PAM: variants seen among roughly 807,000 people sequenced by gnomAD.
The protein encoded by PAM is peptidyl-glycine alpha-amidating monooxygenase.
In PAM, 72 loss-of-function variants were observed where a neutral mutation model predicts 122.1. That is an observed-to-expected ratio of 0.59 (90% CI 0.49 to 0.72). The LOEUF is 0.72. Ranked by LOEUF, PAM falls within the 30% of genes least tolerant of loss-of-function variation. PAM has a pLI of 0.00. For synonymous variants in PAM, 389 were observed against 404.4 expected (o/e 0.96, Z 0.46); for missense variants, 1,106 against 1,183.7 (o/e 0.93, Z 0.96).
intron 1 of PAM, among the ~76,000 whole-genome samples, chr5:102,768,978 G>T (rs1754973172): frequency 6.6e-6 from 1 of 152,080 alleles, no homozygotes; most frequent in South Asian, 2.1e-4. Flanking sequence ...AGTGTTCAAA[G>T]GTTCCCTTTG....
At chr5:102,898,062 A>G (rs1249073079) in intron 3 of PAM, among the ~76,000 whole-genome samples, 3 of 151,650 alleles carry the variant, frequency 2.0e-5, no homozygotes. Flanking sequence ...GGAGTGTTAT[A>G]GTAATAAAGC....
chr5:102,788,125 T>C (rs938946053), intron 1 of PAM, among the ~76,000 whole-genome samples: 9 of 152,148 alleles, frequency 5.9e-5, no homozygotes, highest in African/African-American at 2.2e-4. Flanking sequence ...GAAATCATCA[T>C]ATATTTGATA....
At chr5:102,828,155 A>T (rs544749093) in intron 1 of PAM, among the ~76,000 whole-genome samples, 1 of 152,052 alleles carries the variant, frequency 6.6e-6, no homozygotes, top group South Asian at 2.1e-4. Context: ...CCTGGGCAAC[A>T]TGGCGAGACC....
chr5:102,964,487 A>G (rs2150299024), intron 14 of PAM, among the ~76,000 whole-genome samples: 1 of 152,034 alleles, frequency 6.6e-6, no homozygotes, highest in East Asian at 1.9e-4. Flanking sequence ...TGACAGTTTT[A>G]CTTATCATGT....
chr5:102,915,997 CAG>C (rs1248649872), intron 5 of PAM, among the ~76,000 whole-genome samples: 1 of 152,080 alleles, frequency 6.6e-6, no homozygotes, highest in Admixed American at 6.6e-5. Flanking sequence ...AAAGTGAAAA[CAG>C]AAATTTTGAG....
At chr5:102,920,747 C>T (rs1747153373) in intron 5 of PAM, among the ~76,000 whole-genome samples, 1 of 150,966 alleles carries the variant, frequency 6.6e-6, no homozygotes. Context: ...ATATGTAATG[C>T]ATTAAAATTG....
intron 1 of PAM, among the ~76,000 whole-genome samples, chr5:102,843,516 A>G (rs144547826): frequency 2.6e-5 from 4 of 152,316 alleles, no homozygotes; most frequent in African/African-American, 9.6e-5. Flanking sequence ...CTTGGAGTTC[A>G]TCAAAGCTAA....
chr5:102,782,717 C>CTG (rs1222031698), intron 1 of PAM, among the ~76,000 whole-genome samples: 87 of 146,866 alleles, frequency 5.9e-4, no homozygotes, highest in African/African-American at 2.1e-3. Flanking sequence ...CTCTCTCTCT[C>CTG]TCTCTCTCTG....
intron 14 of PAM, among the ~76,000 whole-genome samples, chr5:102,971,132 A>C (rs1765703153): frequency 6.9e-6 from 1 of 144,636 alleles, no homozygotes; most frequent in Non-Finnish European, 1.5e-5. Flanking sequence ...TTTCTATTAC[A>C]AAAATCCAAA....
chr5:102,761,219 G>A (rs1752261426), intron 1 of PAM, among the ~76,000 whole-genome samples: 1 of 152,116 alleles, frequency 6.6e-6, no homozygotes, highest in African/African-American at 2.4e-5. Flanking sequence ...GAGGGAACTG[G>A]ACTCAAAAAA....
At chr5:103,024,480 A>G (rs1784413827) in intron 23 of PAM, among the ~76,000 whole-genome samples, 1 of 152,162 alleles carries the variant, frequency 6.6e-6, no homozygotes, top group African/African-American at 2.4e-5. Context: ...AATATAAAAG[A>G]GCCTGAAAAG....
chr5:102,805,147 T>C (rs2150133213), intron 1 of PAM, among the ~76,000 whole-genome samples: 1 of 148,286 alleles, frequency 6.7e-6, no homozygotes, highest in Admixed American at 6.8e-5. Context: ...CTCAGCTCAC[T>C]GCAACCTCCG....
chr5:102,975,470 CT>C (rs1319030388), intron 15 of PAM, among the ~76,000 whole-genome samples: 1 of 152,140 alleles, frequency 6.6e-6, no homozygotes, highest in African/African-American at 2.4e-5. Flanking sequence ...GGATTTTTAA[CT>C]TTTCATGTTT....
At chr5:102,995,916 G>T (rs966787157) in intron 16 of PAM, among the ~76,000 whole-genome samples, 1 of 151,482 alleles carries the variant, frequency 6.6e-6, no homozygotes, top group Non-Finnish European at 1.5e-5. Context: ...TAACATTGAG[G>T]TTACATTTTC....
chr5:102,940,889 A>G (rs907974131), intron 7 of PAM, among the ~76,000 whole-genome samples: 5 of 152,108 alleles, frequency 3.3e-5, no homozygotes, highest in Admixed American at 6.6e-5. Flanking sequence ...TGATTTGTGC[A>G]CTTTTCTGTG....
At chr5:102,973,263 T>A (rs1766488066) in intron 14 of PAM, among the ~76,000 whole-genome samples, 1 of 152,214 alleles carries the variant, frequency 6.6e-6, no homozygotes, top group African/African-American at 2.4e-5. Flanking sequence ...ACAGTTGATA[T>A]AAATGGATTT....
intron 15 of PAM, among the ~76,000 whole-genome samples, chr5:102,986,978 G>A (rs1772047533): frequency 6.6e-6 from 1 of 152,022 alleles, no homozygotes; most frequent in Admixed American, 6.6e-5. Context: ...CCAGTCTCAG[G>A]TATGTCTTTA....
At chr5:102,983,555 A>C (rs531435704) in intron 15 of PAM, among the ~76,000 whole-genome samples, 3 of 152,138 alleles carry the variant, frequency 2.0e-5, no homozygotes, top group Non-Finnish European at 4.4e-5. Flanking sequence ...CAAATATCCT[A>C]ATTTTTATTG....
At chr5:102,779,246 A>G (rs1176267519) in intron 1 of PAM, among the ~76,000 whole-genome samples, 1 of 150,920 alleles carries the variant, frequency 6.6e-6, no homozygotes, top group Non-Finnish European at 1.5e-5. Context: ...GTGTATATAT[A>G]TATATGTATA....
Sources: allele counts gnomAD v4.1 joint callset (sites outside exome capture counted in the v4.1 genomes callset), GRCh38; gene constraint gnomAD v4.1.1; transcripts MANE v1.5; gene names NCBI Gene and HGNC (gene_info 2026-07-23, HGNC 2026-07-21).